RTBDN: variants seen among roughly 807,000 people sequenced by gnomAD.
RTBDN encodes the protein retbindin.
A neutral mutation model predicts 21.9 loss-of-function variants in RTBDN; 24 were observed. The observed-to-expected ratio is 1.10, with a 90% CI of 0.79 to 1.54. The LOEUF is 1.54. RTBDN is among the 40% of genes most tolerant of loss of function. The pLI is 0.00. For missense variants in RTBDN, 325 were observed against 315.2 expected, an observed-to-expected ratio of 1.03 and a Z score of -0.23; for synonymous variants, 141 against 125.9, an observed-to-expected ratio of 1.12 and a Z score of -0.80.
Position 12,826,849 on chromosome 19 carries a change from TATC to T in RTBDN, c.385_387del (p.Asp129del). The T allele has an allele frequency of 6.4e-7, 1 of 1,552,616 alleles. No homozygotes were observed. The highest frequency in any genetic ancestry group is 2.4e-5 in the East Asian group (1 of 41,072). ...GGGAGCCAAGTCGGGCCGCAGGTGATATCATCTTCGCAGTTGGCGAACCTGGAG... is the reference window on the plus strand; with the variant it reads ...GGGAGCCAAGTCGGGCCGCAGGTGATATCTTCGCAGTTGGCGAACCTGGAG... On this transcript the variant is annotated inframe_deletion, in exon 5 of 6. Transcript: ENST00000674343.
intron 1 of RTBDN, chr19:12,833,882 G>C (rs1360329047): frequency 3.8e-5 from 8 of 208,092 alleles, no homozygotes; most frequent in Non-Finnish European, 5.7e-5. Context: ...CGGTCCCCGC[G>C]GCTTCTCACT....
intron 2 of RTBDN, 84 bp from the exon 3 acceptor site, chr19:12,829,037 G>A (rs769018293): frequency 6.4e-7 from 1 of 1,573,608 alleles, no homozygotes; most frequent in African/African-American, 1.4e-5. Flanking sequence ...CCCTGGACAG[G>A]GGAGACAACA....
rs1969255596 is a variant in RTBDN at position 12,825,630 on chromosome 19, AG to A, written c.*75del. ...ACTATTACAGAAGGCCGAGAGGACG[AG>A]GGGTGGGGTTCTGGGTGTCCTGAGG... On this transcript the variant is annotated 3_prime_UTR_variant, in exon 6 of 6. Coordinates refer to ENST00000674343, the MANE Select transcript of RTBDN (RefSeq NM_001270441.2). 7.6e-7 allele frequency: 1 copy of A among 1,310,964 alleles called. No individual in the cohort carries two copies. Among genetic ancestry groups the A allele is most frequent in the Admixed American group, 2.7e-5 (1 of 37,706 alleles). 81.2% of individuals were successfully genotyped at this position (1,310,964 alleles called of 1,614,324 possible).
intron 5 of RTBDN, chr19:12,826,140 G>C: frequency 7.2e-7 from 1 of 1,392,308 alleles, no homozygotes. Flanking sequence ...GATGAATCAG[G>C]GTTGGGGCAG....
Position 12,834,574 on chromosome 19 carries a change from T to A in RTBDN, c.-104A>T, listed in dbSNP as rs185236712. 2.0e-5 allele frequency: 31 copies of A among 1,522,154 alleles called. No individual in the cohort carries two copies. In the African/African-American group the frequency reaches 3.3e-4, roughly 16 times the overall value. 94.3% of individuals were successfully genotyped at this position (1,522,154 alleles called of 1,614,324 possible). On this transcript the variant is annotated 5_prime_UTR_variant, in exon 1 of 6. Transcript: ENST00000674343. This position sits in a 1 kb window ranked among gnomAD's most constrained non-coding sequence, Gnocchi z 4.7. ...TCACTCTTCATTCCACCTCCTCCAC[T>A]ACAACATCCGCCCCCCCACCGCGAT... is the stretch of plus-strand genomic sequence containing the variant.
At chr19:12,828,619 A>G in intron 4 of RTBDN, 38 bp downstream of exon 4, 1 of 1,522,178 alleles carries the variant, frequency 6.6e-7, no homozygotes. Context: ...TTCCCCGCCC[A>G]AGTCACAACC....
upstream of RTBDN, chr19:12,835,346 G>C (rs1305673659): frequency 3.8e-6 from 2 of 522,960 alleles, no homozygotes; most frequent in Non-Finnish European, 6.9e-6. Flanking sequence ...TAGGAGAGTG[G>C]GTTCCGAGAG....
At position 12,834,253 on chromosome 19, in the gene RTBDN, G is replaced by T. The variant is rs1484402871; in HGVS notation, c.-19+236C>A. 6.6e-6 allele frequency among the ~76,000 whole-genome samples: 1 copy of T among 152,152 alleles called. No homozygotes were observed. Among genetic ancestry groups the T allele is most frequent in the Non-Finnish European group, 1.5e-5 (1 of 67,982 alleles). On this transcript the variant is annotated intron_variant, in intron 1 of 5. Transcript: ENST00000674343. This position sits in a 1 kb window ranked among gnomAD's most constrained non-coding sequence, Gnocchi z 4.7. Reference sequence around the variant, plus strand: ...AGCCTAGCGCTCCCCCTCGAGGATCGCCTGAGGGGCGCCTGGCCCGCCCTA... The same window carrying T: ...AGCCTAGCGCTCCCCCTCGAGGATCTCCTGAGGGGCGCCTGGCCCGCCCTA...
At position 12,826,919 on chromosome 19, in the gene RTBDN, C is replaced by G. The variant is rs77370002; in HGVS notation, c.366-48G>C. 3.5e-3 allele frequency: 4,610 copies of G among 1,325,826 alleles called. 122 individuals are homozygous for G. In the African/African-American group the frequency reaches 0.058, roughly 17 times the overall value. The allele number at this position is 1,325,826 out of a possible 1,614,324, so 82.1% of individuals were successfully genotyped here. A position where few individuals can be genotyped will look rare whatever the true frequency, so the allele number is the denominator to read the frequency against. On this transcript the variant is annotated intron_variant, in intron 4 of 5. Transcript: ENST00000674343. Reference sequence around the variant, plus strand: ...TGGGTAAAGCCTTTGTAGTTACATTCCAGCGCGATTCTGGCTCTTCTAGAC... The same window carrying G: ...TGGGTAAAGCCTTTGTAGTTACATTGCAGCGCGATTCTGGCTCTTCTAGAC...
chr19:12,830,701 AG>A lies in RTBDN; in HGVS notation c.-18-705del, dbSNP rs1969539688. 1.0e-6 allele frequency: 1 copy of A among 985,478 alleles called. No individual in the cohort carries two copies. Among genetic ancestry groups the A allele is most frequent in the Non-Finnish European group, 1.2e-6 (1 of 829,960 alleles). The allele number at this position is 985,478 out of a possible 1,614,324, so 61.0% of individuals were successfully genotyped here. A position where few individuals can be genotyped will look rare whatever the true frequency, so the allele number is the denominator to read the frequency against. On this transcript the variant is annotated intron_variant, in intron 1 of 5. Coordinates refer to ENST00000674343, the MANE Select transcript of RTBDN (RefSeq NM_001270441.2). The surrounding 1 kb of genome is among the most constrained non-coding windows in gnomAD (Gnocchi z 4.2). ...TGCTGAAAGGGGCGTGGCTTAATGC[AG>A]GGGCGGGACCTCCCACCGTCCTGCC...
At chr19:12,827,320 ATTT>A (rs34634301) in intron 4 of RTBDN, among the ~76,000 whole-genome samples, 11 of 120,322 alleles carry the variant, frequency 9.1e-5, no homozygotes, top group Admixed American at 3.6e-4. Context: ...TGTCCGATTA[ATTT>A]TTTTTTTTTT....
intron 5 of RTBDN, 75 bp downstream of exon 5, chr19:12,826,696 GAAAT>G (rs149645338): frequency 1.0e-3 from 1,077 of 1,032,312 alleles, no homozygotes; most frequent in Middle Eastern, 1.2e-3. Flanking sequence ...CTCCGTCTCA[GAAAT>G]AAATAAATAA....
rs575221537 is a variant in RTBDN, at chr19:12,826,626, G to A, written c.462+149C>T. On this transcript the variant is annotated intron_variant, in intron 5 of 5. Transcript: ENST00000674343. ...GGAGAATCACTTGAACCCCGGAGGC[G>A]GAGGTTGCATCGAGCTGAGATCGCG... 70 of 716,680 alleles carry A rather than the reference G, an allele frequency of 9.8e-5. No homozygotes were observed. In the South Asian group the frequency reaches 1.1e-3, roughly 12 times the overall value. The allele number at this position is 716,680 out of a possible 1,614,324, so 44.4% of individuals were successfully genotyped here.
At chr19:12,827,485 G>A (rs1322835985) in intron 4 of RTBDN, among the ~76,000 whole-genome samples, 1 of 151,672 alleles carries the variant, frequency 6.6e-6, no homozygotes, top group Non-Finnish European at 1.5e-5. Flanking sequence ...ACCACGCCTG[G>A]CTCATTTTTG....
At chr19:12,827,584 A>G (rs1384597792) in intron 4 of RTBDN, among the ~76,000 whole-genome samples, 1 of 151,706 alleles carries the variant, frequency 6.6e-6, no homozygotes, top group Non-Finnish European at 1.5e-5. Context: ...TGGCCTCCCA[A>G]AGTGCTGGGA....
chr19:12,834,603 C>T (rs1303008035), upstream of RTBDN: 5 of 1,517,072 alleles, frequency 3.3e-6, no homozygotes, highest in South Asian at 2.4e-5. The surrounding 1 kb of genome is among the most constrained non-coding windows in gnomAD (Gnocchi z 4.7). Context: ...CCGCGATCCT[C>T]AAGTCCAGCC....
At chr19:12,826,898 T>A (rs897165185) in intron 4 of RTBDN, 27 bp from the exon 5 acceptor site, 2 of 1,484,938 alleles carry the variant, frequency 1.3e-6, no homozygotes, top group African/African-American at 1.4e-5. Flanking sequence ...GAGAGGTGGG[T>A]AAAGCCTTTG....
chr19:12,826,900 A>G lies in RTBDN; in HGVS notation c.366-29T>C, dbSNP rs929919694. The stretch of plus-strand genomic sequence containing the variant: ...GAGATGGCGAGTGGAGAGGTGGGTA[A>G]AGCCTTTGTAGTTACATTCCAGCGC... On this transcript the variant is annotated intron_variant, in intron 4 of 5. Coordinates refer to ENST00000674343, the MANE Select transcript of RTBDN (RefSeq NM_001270441.2). 3.4e-6 allele frequency: 5 copies of G among 1,464,874 alleles called. No individual in the cohort carries two copies. The African/African-American group carries it at 5.6e-5, about 16-fold the overall frequency. The allele number at this position is 1,464,874 out of a possible 1,614,324, so 90.7% of individuals were successfully genotyped here.
At position 12,827,910 on chromosome 19, in the gene RTBDN, C is replaced by T. The variant is rs528623145; in HGVS notation, c.365+747G>A. On this transcript the variant is annotated intron_variant, in intron 4 of 5. Coordinates refer to ENST00000674343, the MANE Select transcript of RTBDN (RefSeq NM_001270441.2). ...GAGTTTGAGACCAGCTTGGCCAACA[C>T]GGTGAAACACCGTCTCTACTAAAAA... is the stretch of plus-strand genomic sequence containing the variant. 2.6e-5 allele frequency among the ~76,000 whole-genome samples: 4 copies of T among 151,200 alleles called. No homozygotes were observed. The South Asian group carries it at 8.4e-4, about 32-fold the overall frequency.
Sources: allele counts gnomAD v4.1 joint callset (sites outside exome capture counted in the v4.1 genomes callset), GRCh38; gene constraint gnomAD v4.1.1; non-coding constraint Gnocchi (gnomAD v3.1); transcripts MANE v1.5; gene names NCBI Gene and HGNC (gene_info 2026-07-23, HGNC 2026-07-21).